PSMB5: variants seen among roughly 807,000 people sequenced by gnomAD.
PSMB5 encodes proteasome subunit beta type-5.
A neutral mutation model predicts 22.8 loss-of-function variants in PSMB5; 2 were observed. That is an observed-to-expected ratio of 0.09 (90% confidence interval 0.04 to 0.28). The LOEUF (loss-of-function observed/expected upper bound fraction) is 0.28. PSMB5 is among the 10% of genes least tolerant of loss of function. PSMB5 has a pLI of 1.00. For missense variants in PSMB5, 269 were observed against 343.8 expected, an observed-to-expected ratio of 0.78 and a Z score of 1.72; for synonymous variants, 133 against 135.3, an observed-to-expected ratio of 0.98 and a Z score of 0.12.
chr14:23,030,483 C>T (rs149855222), intron 2 of PSMB5, among the ~76,000 whole-genome samples: 16,540 of 151,076 alleles, frequency 0.11, 1,117 homozygotes, highest in African/African-American at 0.18. Context: ...AGCGAGACTC[C>T]GTCTCAATAA....
chr14:23,027,846 T>G lies in PSMB5; in HGVS notation c.506-1471A>C. 3 of 1,535,246 alleles carry G rather than the reference T, an allele frequency of 2.0e-6. No homozygotes were observed. The South Asian group carries it at 3.6e-5, about 18-fold the overall frequency. ...CTTCAGACACTGTGAAAGATAACAT[T>G]TAAAACATAATCCCCGGCCAGGCGC... On this transcript the variant is annotated intron_variant, in intron 2 of 2. Transcript: ENST00000361611.
intron 2 of PSMB5, 31 bp downstream of exon 2, chr14:23,033,337 C>T: frequency 6.3e-7 from 1 of 1,593,006 alleles, no homozygotes. Flanking sequence ...TAGTGTCAGC[C>T]CAAGGATCAT....
intron 1 of PSMB5, chr14:23,034,418 C>A: frequency 2.3e-6 from 1 of 431,520 alleles, no homozygotes; most frequent in South Asian, 3.1e-5. Context: ...TGAACAGCAG[C>A]AACCTGGGGT....
intron 2 of PSMB5, among the ~76,000 whole-genome samples, chr14:23,031,746 G>A (rs117446871): frequency 0.014 from 2,067 of 152,246 alleles, 24 homozygotes; most frequent in South Asian, 0.062. Context: ...TGATAGAACC[G>A]GACCTAGCAT....
rs1285060673 is a variant in PSMB5 at position 23,026,316 on chromosome 14, A to C, written c.565T>G (p.Ser189Ala). 1 of 1,613,972 alleles carries C rather than the reference A, an allele frequency of 6.2e-7. No individual in the cohort carries two copies. Among genetic ancestry groups the C allele is most frequent in the Non-Finnish European group, 8.5e-7 (1 of 1,180,032 alleles). ...ACCCCATATGCATACACAGAGCCAG[A>C]ACCTACAGAGAAGGTGGCCCCTGAA... The part of the protein sequence containing the change: ...RISGATFSVG[S>A]GSVYAYGVMD... The change falls in exon 3 of 3, where the codon TCT becomes GCT. Residue 189 changes from serine (S) to alanine (A), a missense_variant. Ser to Ala is a moderately conservative substitution (Grantham distance 99). Coordinates refer to ENST00000361611, the MANE Select transcript of PSMB5 (RefSeq NM_002797.5).
intron 2 of PSMB5, among the ~76,000 whole-genome samples, chr14:23,026,646 C>T (rs1034576312): frequency 5.3e-5 from 8 of 151,458 alleles, no homozygotes; most frequent in African/African-American, 1.5e-4. Flanking sequence ...GACGGGGTTT[C>T]ACCATGTTGG....
intron 2 of PSMB5, among the ~76,000 whole-genome samples, chr14:23,030,480 C>T (rs954373926): frequency 2.0e-5 from 3 of 151,184 alleles, no homozygotes; most frequent in Admixed American, 6.6e-5. Flanking sequence ...CAGAGCGAGA[C>T]TCCGTCTCAA....
intron 2 of PSMB5, among the ~76,000 whole-genome samples, chr14:23,032,810 G>C (rs2046962961): frequency 6.6e-6 from 1 of 150,916 alleles, no homozygotes; most frequent in East Asian, 2.0e-4. Context: ...TTGTTAGCCA[G>C]GATGGTCTCG....
In PSMB5 at chr14:23,026,100, AGCC is replaced by A; in HGVS notation, c.778_780del (p.Gly260del). ...GCATCCACCCTCTTTCAGGGGGTAG[AGCC>A]ACTATACTTCTCATGTAGATCAGCC... On this transcript the variant is annotated inframe_deletion, in exon 3 of 3. Coordinates refer to ENST00000361611, the MANE Select transcript of PSMB5 (RefSeq NM_002797.5). The A allele has an allele frequency of 6.2e-7, 1 of 1,614,122 alleles. No individual in the cohort carries two copies. Among genetic ancestry groups the A allele is most frequent in the Non-Finnish European group, 8.5e-7 (1 of 1,179,980 alleles).
At chr14:23,029,324 C>T (rs1029764224) in intron 2 of PSMB5, among the ~76,000 whole-genome samples, 4 of 152,180 alleles carry the variant, frequency 2.6e-5, no homozygotes, top group Non-Finnish European at 5.9e-5. Context: ...TTATGGCTCA[C>T]TATTCCCCTT....
chr14:23,029,486 T>A (rs2046938060), intron 2 of PSMB5, among the ~76,000 whole-genome samples: 1 of 152,240 alleles, frequency 6.6e-6, no homozygotes, highest in African/African-American at 2.4e-5. Context: ...CCTCCCATCA[T>A]AAGTAATCTC....
rs1333786341 is a variant in PSMB5 at position 23,033,748 on chromosome 14, A to G, written c.199-74T>C. 32 of 1,349,554 alleles carry G rather than the reference A, an allele frequency of 2.4e-5. No individual in the cohort carries two copies. In the South Asian group the frequency reaches 3.3e-4, roughly 14 times the overall value. 83.6% of individuals were successfully genotyped at this position (1,349,554 alleles called of 1,614,324 possible). On this transcript the variant is annotated intron_variant, in intron 1 of 2. Coordinates refer to ENST00000361611, the MANE Select transcript of PSMB5 (RefSeq NM_002797.5). ...AACACTCCTACATACTTCTTTTTGC[A>G]TCAATCCAAACCCAGCACATCTCTT...
intron 2 of PSMB5, 51 bp downstream of exon 2, chr14:23,033,317 C>A: frequency 6.4e-7 from 1 of 1,564,382 alleles, no homozygotes; most frequent in South Asian, 1.2e-5. Context: ...CATCCAACCC[C>A]TCCTCACTGT....
rs2139910741 is a variant in PSMB5 at position 23,026,395 on chromosome 14, T to A, written c.506-20A>T. ...AGAGGCCTGGAAAGGGAGATGAGGTTAGCAGGAAAAAAAAAAAGATCACCC... is the reference window on the plus strand; with the variant it reads ...AGAGGCCTGGAAAGGGAGATGAGGTAAGCAGGAAAAAAAAAAAGATCACCC... On this transcript the variant is annotated intron_variant, in intron 2 of 2. Transcript: ENST00000361611. The A allele has an allele frequency of 6.3e-7, 1 of 1,586,260 alleles. No individual in the cohort carries two copies. Among genetic ancestry groups the A allele is most frequent in the Non-Finnish European group, 8.6e-7 (1 of 1,168,936 alleles).
chr14:23,030,905 A>T (rs1055351001), intron 2 of PSMB5, among the ~76,000 whole-genome samples: 5 of 152,218 alleles, frequency 3.3e-5, no homozygotes, highest in Non-Finnish European at 4.4e-5. Context: ...AGCATGGGTG[A>T]CAAGAGGAAA....
At position 23,034,753 on chromosome 14, in the gene PSMB5, C is replaced by A; in HGVS notation, c.129G>T (p.Ala43=). Residue 43 remains alanine (A), a synonymous_variant, in exon 1 of 3, where the codon GCG becomes GCT. Transcript: ENST00000361611. ...GCTCTTCTGGGACACCCCAGCCTGGCGCGGCCAGGCTCAGACCATCACTGA... is the reference window on the plus strand; with the variant it reads ...GCTCTTCTGGGACACCCCAGCCTGGAGCGGCCAGGCTCAGACCATCACTGA... ...GSLSDGLSLA[A]PGWGVPEEPG... 1.2e-6 allele frequency: 2 copies of A among 1,614,130 alleles called. No individual in the cohort carries two copies. Among genetic ancestry groups the A allele is most frequent in the Non-Finnish European group, 1.7e-6 (2 of 1,180,014 alleles).
chr14:23,027,941 C>G, intron 2 of PSMB5: 1 of 612,722 alleles, frequency 1.6e-6, no homozygotes, highest in Non-Finnish European at 2.9e-6. Flanking sequence ...GTCAGGAGTT[C>G]AAGACAAGCC....
intron 2 of PSMB5, chr14:23,027,613 A>T (rs2046925291): frequency 3.4e-6 from 2 of 579,898 alleles, no homozygotes; most frequent in African/African-American, 3.9e-5. Context: ...ACACCACCAC[A>T]CTCCAGCTTG....
chr14:23,034,363 G>C, intron 1 of PSMB5: 1 of 294,100 alleles, frequency 3.4e-6, no homozygotes. Flanking sequence ...GCCTTCCCTC[G>C]GCCAAGATTC....
Sources: allele counts gnomAD v4.1 joint callset (sites outside exome capture counted in the v4.1 genomes callset), GRCh38; gene constraint gnomAD v4.1.1; transcripts MANE v1.5; gene names NCBI Gene and HGNC (gene_info 2026-07-23, HGNC 2026-07-21).